Variants in PHACTR4 observed in about 807,000 individuals in gnomAD.
PHACTR4 encodes the protein protein phosphatase 1, regulatory subunit 124.
PHACTR4 carries 51 observed loss-of-function variants against 72.7 expected under a neutral mutation model. The observed-to-expected ratio is 0.70, with a 90% CI of 0.56 to 0.89. The LOEUF is 0.89. Ranked by LOEUF, PHACTR4 falls within the 40% of genes least tolerant of loss-of-function variation. PHACTR4 has a pLI of 0.00. For missense variants in PHACTR4, 731 were observed against 861.8 expected, an observed-to-expected ratio of 0.85 and a Z score of 1.90; for synonymous variants, 255 against 302.5, an observed-to-expected ratio of 0.84 and a Z score of 1.63.
At chr1:28,471,205 C>T (rs903415171) in intron 6 of PHACTR4, among the ~76,000 whole-genome samples, 3 of 151,852 alleles carry the variant, frequency 2.0e-5, no homozygotes, top group Admixed American at 1.3e-4. Context: ...AAAAATTAGC[C>T]GGGCGTGGTG....
intron 1 of PHACTR4, among the ~76,000 whole-genome samples, chr1:28,373,843 T>C (rs1461001274): frequency 6.6e-6 from 1 of 152,160 alleles, no homozygotes; most frequent in Non-Finnish European, 1.5e-5. Context: ...CTCTAAAATG[T>C]TGAAGTGACT....
rs372704640 is a variant in PHACTR4 at position 28,480,441 on chromosome 1, G to A, written c.1607-10G>A. On this transcript the variant is annotated splice_polypyrimidine_tract_variant and intron_variant, in intron 8 of 13. Coordinates refer to ENST00000373839, the MANE Select transcript of PHACTR4 (RefSeq NM_001048183.3). ...CAAGTTCTACATTTTTTTCTTCCCC[G>A]TGTGCAAAGGTGCTCTCGCCAACAA... 206 of 1,610,704 alleles carry A rather than the reference G, an allele frequency of 1.3e-4. No homozygotes were observed. In the African/African-American group the frequency reaches 1.4e-3, roughly 11 times the overall value.
intron 1 of PHACTR4, among the ~76,000 whole-genome samples, chr1:28,371,749 G>A (rs1168178749): frequency 6.6e-6 from 1 of 151,740 alleles, no homozygotes; most frequent in African/African-American, 2.4e-5. Flanking sequence ...GGCCACCAGC[G>A]CAGCTAATTA....
chr1:28,453,957 C>A (rs543546884), intron 2 of PHACTR4: 2 of 590,622 alleles, frequency 3.4e-6, no homozygotes, highest in African/African-American at 1.9e-5. Context: ...GGCACACGCC[C>A]GTAATCTTAG....
intron 2 of PHACTR4, among the ~76,000 whole-genome samples, chr1:28,429,485 C>T (rs1309019112): frequency 1.3e-5 from 2 of 151,878 alleles, no homozygotes; most frequent in East Asian, 1.9e-4. Flanking sequence ...TGTTGGAGGT[C>T]GGAAGAAATG....
At chr1:28,483,299 G>A (rs1660396666) in intron 9 of PHACTR4, among the ~76,000 whole-genome samples, 1 of 152,068 alleles carries the variant, frequency 6.6e-6, no homozygotes, top group Non-Finnish European at 1.5e-5. Flanking sequence ...AGAGGCTGAG[G>A]CAGGGGGATT....
rs776798737 is a variant in PHACTR4, at chr1:28,446,618, A to C, written c.17-12467A>C. 1.4e-4 allele frequency among the ~76,000 whole-genome samples: 21 copies of C among 152,044 alleles called. 1 individual carries two copies. Among genetic ancestry groups the C allele is most frequent in the Admixed American group, 1.1e-3 (17 of 15,258 alleles). On this transcript the variant is annotated intron_variant, in intron 2 of 13. Transcript: ENST00000373839. Reference sequence around the variant, plus strand: ...ACATGGTGAAACCCTGTCTTTACTAAAACTACAAAAATTAGCCGGGCATGG... The same window carrying C: ...ACATGGTGAAACCCTGTCTTTACTACAACTACAAAAATTAGCCGGGCATGG...
chr1:28,378,287 AG>A (rs1353982707), intron 1 of PHACTR4, among the ~76,000 whole-genome samples: 1 of 146,244 alleles, frequency 6.8e-6, no homozygotes, highest in Non-Finnish European at 1.5e-5. Flanking sequence ...GGATCACCTG[AG>A]GTCAGGAGTT....
intron 1 of PHACTR4, among the ~76,000 whole-genome samples, chr1:28,394,679 C>G (rs1653347694): frequency 6.6e-6 from 1 of 151,854 alleles, no homozygotes; most frequent in African/African-American, 2.4e-5. Flanking sequence ...TCACCACAAC[C>G]TCTGGCTCCC....
intron 1 of PHACTR4, among the ~76,000 whole-genome samples, chr1:28,399,388 G>C (rs977083638): frequency 1.3e-5 from 2 of 152,166 alleles, no homozygotes; most frequent in African/African-American, 4.8e-5. Context: ...AGTTTAGTAT[G>C]TCTCTACTGT....
At chr1:28,435,616 G>C (rs1656584528) in intron 2 of PHACTR4, among the ~76,000 whole-genome samples, 2 of 152,234 alleles carry the variant, frequency 1.3e-5, no homozygotes, top group African/African-American at 2.4e-5. Flanking sequence ...CTGAGACTTA[G>C]AGAGGTGAAG....
rs1412011195 is a variant in PHACTR4, at chr1:28,499,804, A to G, written c.*3255A>G. ...TTGAAGTTTACTAACAATTGGGATA[A>G]CTGAGGGAAGAGAAGTGACAATTCC... is the stretch of plus-strand genomic sequence containing the variant. On this transcript the variant is annotated 3_prime_UTR_variant, in exon 14 of 14. Coordinates refer to ENST00000373839, the MANE Select transcript of PHACTR4 (RefSeq NM_001048183.3). 6.6e-6 allele frequency: 1 copy of G among 152,154 alleles called. No individual in the cohort carries two copies. Among genetic ancestry groups the G allele is most frequent in the Non-Finnish European group, 1.5e-5 (1 of 68,044 alleles). 9.4% of individuals were successfully genotyped at this position (152,154 alleles called of 1,614,324 possible).
At chr1:28,436,515 A>C (rs1569944506) in intron 2 of PHACTR4, among the ~76,000 whole-genome samples, 1 of 152,194 alleles carries the variant, frequency 6.6e-6, no homozygotes, top group African/African-American at 2.4e-5. Flanking sequence ...AATAGGGTAA[A>C]TAAATATACC....
At chr1:28,496,470 G>A in intron 13 of PHACTR4, 64 bp from the exon 14 acceptor site, 1 of 1,553,608 alleles carries the variant, frequency 6.4e-7, no homozygotes, top group East Asian at 2.2e-5. Context: ...CATTACTACT[G>A]ATACATTAAT....
chr1:28,453,841 G>A (rs1381224700), intron 2 of PHACTR4: 1 of 888,254 alleles, frequency 1.1e-6, no homozygotes, highest in East Asian at 2.9e-5. Flanking sequence ...GGCTTTTGAA[G>A]CTGTGGACAA....
intron 7 of PHACTR4, 115 bp from the exon 8 acceptor site, chr1:28,475,992 T>C: frequency 1.0e-6 from 1 of 972,712 alleles, no homozygotes; most frequent in Non-Finnish European, 1.4e-6. Context: ...TCTCCCAAAG[T>C]GCTGGGATTA....
chr1:28,460,803 C>G (rs1658748202), intron 4 of PHACTR4, among the ~76,000 whole-genome samples: 1 of 152,070 alleles, frequency 6.6e-6, no homozygotes, highest in Non-Finnish European at 1.5e-5. Flanking sequence ...GCCACTGTGC[C>G]TGGCTAATTT....
At chr1:28,432,969 C>A in intron 2 of PHACTR4, 1 of 443,562 alleles carries the variant, frequency 2.3e-6, no homozygotes, top group Non-Finnish European at 3.0e-6. Context: ...TGGTCTTGAA[C>A]TCCTGGACTC....
intron 3 of PHACTR4, 26 bp from the exon 4 acceptor site, chr1:28,460,186 A>G (rs753718428): frequency 5.9e-6 from 9 of 1,522,882 alleles, no homozygotes; most frequent in South Asian, 1.1e-5. Context: ...CACATTTCTG[A>G]GTGCCATTTT....
Sources: allele counts gnomAD v4.1 joint callset (sites outside exome capture counted in the v4.1 genomes callset), GRCh38; gene constraint gnomAD v4.1.1; transcripts MANE v1.5; gene names NCBI Gene and HGNC (gene_info 2026-07-23, HGNC 2026-07-21).